KCNJ9: variants seen among roughly 807,000 people sequenced by gnomAD.
KCNJ9 encodes the protein G protein-activated inward rectifier potassium channel 3.
In KCNJ9, 18 loss-of-function variants were observed where a neutral mutation model predicts 27.9. That is an observed-to-expected ratio of 0.65 (90% CI 0.45 to 0.96). The LOEUF (loss-of-function observed/expected upper bound fraction) is 0.96. KCNJ9 is among the 40% of genes least tolerant of loss of function. The pLI is 0.00. For synonymous variants in KCNJ9, 229 were observed against 248.2 expected (o/e 0.92, Z 0.73); for missense variants, 324 against 557.5 (o/e 0.58, Z 4.22).
At chr1:160,086,006 T>C (rs191256380) in intron 2 of KCNJ9, among the ~76,000 whole-genome samples, 1 of 152,076 alleles carries the variant, frequency 6.6e-6, no homozygotes, top group Non-Finnish European at 1.5e-5. Context: ...TTCCTCTCTC[T>C]CCAGCTGTCA....
intron 2 of KCNJ9, among the ~76,000 whole-genome samples, chr1:160,087,145 G>A (rs1235317923): frequency 6.6e-6 from 1 of 152,208 alleles, no homozygotes. Flanking sequence ...GATGCCCATT[G>A]TTAGAAATGC....
At chr1:160,086,384 C>T (rs1025829103) in intron 2 of KCNJ9, among the ~76,000 whole-genome samples, 3 of 152,130 alleles carry the variant, frequency 2.0e-5, no homozygotes, top group Non-Finnish European at 2.9e-5. Flanking sequence ...ACACAAGCCC[C>T]GGGCAGGGAG....
chr1:160,082,468 A>C (rs1026911451), intron 1 of KCNJ9, among the ~76,000 whole-genome samples: 1 of 152,048 alleles, frequency 6.6e-6, no homozygotes, highest in Non-Finnish European at 1.5e-5. Flanking sequence ...TTTCATTTTG[A>C]TTTCTCTTCC....
chr1:160,084,536 C>G lies in KCNJ9; in HGVS notation c.506C>G (p.Ala169Gly). 6.2e-7 allele frequency: 1 copy of G among 1,612,390 alleles called. No individual in the cohort carries two copies. Among genetic ancestry groups the G allele is most frequent in the Non-Finnish European group, 8.5e-7 (1 of 1,179,388 alleles). Residue 169 changes from alanine to glycine, a missense_variant, in exon 2 of 3, where the codon GCC (alanine) becomes GGC (glycine). By Grantham distance (60) the Ala-to-Gly change is moderately conservative (BLOSUM62 0). Around this residue, in one of 3 missense-constraint regions of KCNJ9, gnomAD observed 241 missense variants for 481.7 expected, o/e 0.50. Transcript: ENST00000368088. Reference protein sequence around the residue: ...VKISQPNKRAATLVFSSHAVV... With the variant: ...VKISQPNKRAGTLVFSSHAVV... ...ATCTCGCAGCCCAACAAGCGCGCAG[C>G]CACGCTCGTCTTCTCCTCGCACGCC...
rs575027113 is a variant in KCNJ9 at position 160,082,933 on chromosome 1, GC to G, written c.-114-983del. Among the ~76,000 whole-genome samples, 56 of 152,156 alleles carry G rather than the reference GC, an allele frequency of 3.7e-4. No homozygotes were observed. In the East Asian group the frequency reaches 0.01, roughly 28 times the overall value. ...TGGAATGTGGGCTTTGGGGCATATG[GC>G]AGGTGGGGGCGGGGCTGGTGTTAGG... On this transcript the variant is annotated intron_variant, in intron 1 of 2. Transcript: ENST00000368088.
intron 2 of KCNJ9, 30 bp downstream of exon 2, chr1:160,084,910 G>A (rs1349901160): frequency 7.1e-7 from 1 of 1,408,892 alleles, no homozygotes; most frequent in Non-Finnish European, 9.5e-7. Context: ...GGGGAGCGGG[G>A]TTGGCAGAGG....
rs997273164 is a variant in KCNJ9 at position 160,084,053 on chromosome 1, T to C, written c.23T>C (p.Phe8Ser). MAQENAA[F>S]SPGQEEPPRR... ...GCCATGGCGCAGGAGAACGCGGCCT[T>C]CTCGCCCGGGCAGGAGGAGCCGCCG... is the stretch of plus-strand genomic sequence containing the variant. Residue 8 changes from phenylalanine (F) to serine (S), a missense_variant, in exon 2 of 3, where the codon TTC (phenylalanine) becomes TCC (serine). Transcript: ENST00000368088. 2.6e-6 allele frequency: 4 copies of C among 1,522,026 alleles called. No individual in the cohort carries two copies. Among genetic ancestry groups the C allele is most frequent in the Non-Finnish European group, 3.5e-6 (4 of 1,138,788 alleles). 94.3% of individuals were successfully genotyped at this position (1,522,026 alleles called of 1,614,324 possible).
At chr1:160,085,706 A>T (rs1285492158) in intron 2 of KCNJ9, among the ~76,000 whole-genome samples, 1 of 152,252 alleles carries the variant, frequency 6.6e-6, no homozygotes, top group Non-Finnish European at 1.5e-5. Context: ...CCAGTGTTAC[A>T]GGAGTCGCAA....
Position 160,081,674 on chromosome 1 carries a change from C to T in KCNJ9, c.-138C>T, listed in dbSNP as rs563300714. 1 of 152,280 alleles carries T rather than the reference C, an allele frequency of 6.6e-6. No homozygotes were observed. The highest frequency in any genetic ancestry group is 2.1e-4 in the South Asian group (1 of 4,820). 9.4% of individuals were successfully genotyped at this position (152,280 alleles called of 1,614,324 possible). On this transcript the variant is annotated 5_prime_UTR_variant, in exon 1 of 3. Coordinates refer to ENST00000368088, the MANE Select transcript of KCNJ9 (RefSeq NM_004983.3). ...GCCACCCCCCAGGGGTCTCTGCTGC[C>T]GGCTACTCTCCTCTCCACGTGCTGT...
At position 160,084,326 on chromosome 1, in the gene KCNJ9, C is replaced by T; in HGVS notation, c.296C>T (p.Pro99Leu). The change falls in exon 2 of 3, where the codon CCG becomes CTG. Residue 99 changes from proline to leucine, a missense_variant. This residue lies in a region of KCNJ9 where 241 missense variants were observed against 481.7 expected (regional missense o/e 0.50). Coordinates refer to ENST00000368088, the MANE Select transcript of KCNJ9 (RefSeq NM_004983.3). ...LEHLEDTAWT[P>L]CVNNLNGFVA... ...CACCTGGAGGACACCGCGTGGACGC[C>T]GTGCGTCAACAACCTCAACGGCTTC... The T allele has an allele frequency of 6.2e-7, 1 of 1,613,552 alleles. No homozygotes were observed. Among genetic ancestry groups the T allele is most frequent in the Non-Finnish European group, 8.5e-7 (1 of 1,179,968 alleles).
At chr1:160,083,692 C>T (rs571566687) in intron 1 of KCNJ9, among the ~76,000 whole-genome samples, 9 of 152,320 alleles carry the variant, frequency 5.9e-5, no homozygotes, top group African/African-American at 2.2e-4. Flanking sequence ...TGAAAATCAT[C>T]GTGGAACTTG....
rs151199123 is a variant in KCNJ9 at position 160,089,306 on chromosome 1, G to C, written c.*1489G>C. The C allele has an allele frequency of 6.6e-6, 1 of 152,266 alleles. No homozygotes were observed. The highest frequency in any genetic ancestry group is 1.5e-5 in the Non-Finnish European group (1 of 68,078). 9.4% of individuals were successfully genotyped at this position (152,266 alleles called of 1,614,324 possible). A position where few individuals can be genotyped will look rare whatever the true frequency, so the allele number is the denominator to read the frequency against. ...GGTTTTATGTGTGGGAAAGGGACCCGAAGCCCAGGCTGAAGAGTTTAACTT... is the reference window on the plus strand; with the variant it reads ...GGTTTTATGTGTGGGAAAGGGACCCCAAGCCCAGGCTGAAGAGTTTAACTT... On this transcript the variant is annotated 3_prime_UTR_variant, in exon 3 of 3. Transcript: ENST00000368088.
chr1:160,087,614 G>A lies in KCNJ9; in HGVS notation c.979G>A (p.Glu327Lys). The change falls in exon 3 of 3, where the codon GAG (glutamate) becomes AAG (lysine). Residue 327 changes from glutamate to lysine, a missense_variant. By Grantham distance (56) the Glu-to-Lys change is moderately conservative. This residue lies in a region of KCNJ9 where 241 missense variants were observed against 481.7 expected (regional missense o/e 0.50). Transcript: ENST00000368088. The part of the protein sequence containing the change: ...VDYASFHETF[E>K]VPTPSCSARE... ...CTATGCCAGCTTTCACGAGACTTTT[G>A]AGGTGCCCACACCTTCGTGCAGTGC... The A allele has an allele frequency of 1.2e-6, 2 of 1,613,756 alleles. No individual in the cohort carries two copies. Among genetic ancestry groups the A allele is most frequent in the Non-Finnish European group, 1.7e-6 (2 of 1,179,926 alleles).
At chr1:160,086,803 T>C (rs1649785457) in intron 2 of KCNJ9, among the ~76,000 whole-genome samples, 1 of 152,238 alleles carries the variant, frequency 6.6e-6, no homozygotes, top group Admixed American at 6.5e-5. Flanking sequence ...GAAAATTTAC[T>C]ATACTCAAAA....
chr1:160,081,831 C>G (rs1649682935), intron 1 of KCNJ9, 134 bp downstream of exon 1: 1 of 152,184 alleles, frequency 6.6e-6, no homozygotes, highest in African/African-American at 2.4e-5. Context: ...TACTCCCCAG[C>G]TCTCTAGAGG....
At position 160,088,561 on chromosome 1, in the gene KCNJ9, G is replaced by C. The variant is rs1649829344; in HGVS notation, c.*744G>C. ...TGAGCTGGGGCCTGGAGAGGGGCCTGGGAAAGGAAAACCAGGGATAGCTAT... is the reference window on the plus strand; with the variant it reads ...TGAGCTGGGGCCTGGAGAGGGGCCTCGGAAAGGAAAACCAGGGATAGCTAT... On this transcript the variant is annotated 3_prime_UTR_variant, in exon 3 of 3. Transcript: ENST00000368088. 1 of 152,670 alleles carries C rather than the reference G, an allele frequency of 6.6e-6. No individual in the cohort carries two copies. The highest frequency in any genetic ancestry group is 1.9e-4 in the East Asian group (1 of 5,212). The allele number at this position is 152,670 out of a possible 1,614,324, so 9.5% of individuals were successfully genotyped here.
intron 2 of KCNJ9, among the ~76,000 whole-genome samples, chr1:160,086,866 T>G (rs1649786538): frequency 6.6e-6 from 1 of 152,178 alleles, no homozygotes; most frequent in Non-Finnish European, 1.5e-5. Context: ...AAAGTAGAGT[T>G]CTGGAAAACC....
rs960399836 is a variant in KCNJ9, at chr1:160,088,098, G to C, written c.*281G>C. 5.5e-6 allele frequency: 2 copies of C among 365,520 alleles called. No homozygotes were observed. Among genetic ancestry groups the C allele is most frequent in the Non-Finnish European group, 9.8e-6 (2 of 204,974 alleles). 22.6% of individuals were successfully genotyped at this position (365,520 alleles called of 1,614,324 possible). On this transcript the variant is annotated 3_prime_UTR_variant, in exon 3 of 3. Transcript: ENST00000368088. The stretch of plus-strand genomic sequence containing the variant: ...TGAGTGGATGGATGGACAGAATGAT[G>C]GACTTTTGGGGGTTGGATGGGAAGA...
chr1:160,084,169 G>A lies in KCNJ9; in HGVS notation c.139G>A (p.Asp47Asn). The A allele has an allele frequency of 6.2e-7, 1 of 1,603,852 alleles. No individual in the cohort carries two copies. The highest frequency in any genetic ancestry group is 8.5e-7 in the Non-Finnish European group (1 of 1,175,130). ...GCGCGAGACATACCGCTACCTGACG[G>A]ACCTGTTCACCACGCTGGTGGACCT... is the stretch of plus-strand genomic sequence containing the variant. ...NVRETYRYLT[D>N]LFTTLVDLQW... is the part of the protein sequence containing the mutation. The change falls in exon 2 of 3, where the codon GAC becomes AAC. Residue 47 changes from aspartate (D) to asparagine (N), a missense_variant. Physicochemically the swap from Asp to Asn is conservative, Grantham distance 23. This residue lies in a region of KCNJ9 where 241 missense variants were observed against 481.7 expected (regional missense o/e 0.50). Coordinates refer to ENST00000368088, the MANE Select transcript of KCNJ9 (RefSeq NM_004983.3).
Sources: gnomAD v4.1 joint callset for allele counts (sites outside exome capture counted in the v4.1 genomes callset) on GRCh38, gnomAD v4.1.1 for gene constraint, gnomAD v4.1.1 regional missense constraint, MANE v1.5 for transcripts, NCBI Gene and HGNC (gene_info 2026-07-23, HGNC 2026-07-21) for gene names.